Variants in FGF1 observed in about 807,000 individuals in gnomAD.
FGF1 encodes the protein fibroblast growth factor 1, also known as beta-endothelial cell growth factor.
A neutral mutation model predicts 13.4 loss-of-function variants in FGF1; 9 were observed. That is an observed-to-expected ratio of 0.67 (90% CI 0.40 to 1.17). The LOEUF is 1.17. Ranked by LOEUF, FGF1 falls within the 50% of genes most tolerant of loss-of-function variation. FGF1 has a pLI of 0.01. For missense variants in FGF1, 156 were observed against 192.7 expected (o/e 0.81, Z 1.13); for synonymous variants, 93 against 79.0 (o/e 1.18, Z -0.94).
intron 2 of FGF1, among the ~76,000 whole-genome samples, chr5:142,603,907 A>T (rs769963087): frequency 1.3e-5 from 2 of 152,228 alleles, no homozygotes; most frequent in Non-Finnish European, 2.9e-5. Context: ...AGATACATGG[A>T]ATGCCAATAG....
intron 1 of FGF1, among the ~76,000 whole-genome samples, chr5:142,630,433 TG>T (rs1373309811): frequency 2.0e-5 from 3 of 152,226 alleles, no homozygotes; most frequent in Non-Finnish European, 4.4e-5. Flanking sequence ...CTTTTGCTCT[TG>T]GCCCCCTCCC....
chr5:142,596,502 G>T (rs1755292079), intron 3 of FGF1, among the ~76,000 whole-genome samples: 2 of 150,054 alleles, frequency 1.3e-5, no homozygotes, highest in African/African-American at 4.9e-5. Flanking sequence ...CAACACTTTG[G>T]GAGGCTGAGG....
chr5:142,618,096 GAGA>G (rs943178853), intron 1 of FGF1, among the ~76,000 whole-genome samples: 4 of 152,186 alleles, frequency 2.6e-5, no homozygotes, highest in African/African-American at 9.6e-5. Flanking sequence ...CTGGGAAATG[GAGA>G]AGATCAAGCC....
At chr5:142,610,647 C>G (rs1290502911) in intron 2 of FGF1, among the ~76,000 whole-genome samples, 1 of 152,146 alleles carries the variant, frequency 6.6e-6, no homozygotes, top group African/African-American at 2.4e-5. Context: ...GCTGATTCTG[C>G]CTGGCCTTCC....
intron 1 of FGF1, among the ~76,000 whole-genome samples, chr5:142,658,417 T>C (rs1425607554): frequency 6.6e-6 from 1 of 152,276 alleles, no homozygotes; most frequent in Non-Finnish European, 1.5e-5. Context: ...TATTTCTCAC[T>C]GCCTAAAGGC....
intron 1 of FGF1, among the ~76,000 whole-genome samples, chr5:142,621,097 C>A (rs1034221668): frequency 6.6e-6 from 1 of 152,152 alleles, no homozygotes; most frequent in Admixed American, 6.5e-5. Flanking sequence ...ACTGTCAATT[C>A]TGCTGCTAGT....
At chr5:142,678,469 C>T (rs1045920118) in intron 1 of FGF1, among the ~76,000 whole-genome samples, 3 of 152,150 alleles carry the variant, frequency 2.0e-5, no homozygotes, top group African/African-American at 7.2e-5. Context: ...CTCTCCCTCA[C>T]CCGCAGCACC....
At chr5:142,638,393 ATT>A (rs1298825686) in intron 1 of FGF1, among the ~76,000 whole-genome samples, 12 of 152,110 alleles carry the variant, frequency 7.9e-5, no homozygotes, top group African/African-American at 2.9e-4. Context: ...CGCACTAGTT[ATT>A]TGAGTGTTTC....
chr5:142,619,135 C>G (rs548506030), intron 1 of FGF1, among the ~76,000 whole-genome samples: 3 of 151,920 alleles, frequency 2.0e-5, no homozygotes, highest in Admixed American at 1.3e-4. Flanking sequence ...GGGGTTTCAC[C>G]GTGTTAGCCA....
intron 2 of FGF1, among the ~76,000 whole-genome samples, chr5:142,604,772 T>C (rs182289919): frequency 6.6e-6 from 1 of 152,348 alleles, no homozygotes; most frequent in East Asian, 1.9e-4. Flanking sequence ...GGAAAAATCA[T>C]GACCAGACCC....
At chr5:142,647,047 C>T (rs538846255) in intron 1 of FGF1, among the ~76,000 whole-genome samples, 2 of 152,244 alleles carry the variant, frequency 1.3e-5, no homozygotes, top group South Asian at 4.1e-4. Context: ...ATAATGTACA[C>T]GCACCCACAG....
At chr5:142,619,318 A>T (rs1761002372) in intron 1 of FGF1, among the ~76,000 whole-genome samples, 1 of 152,188 alleles carries the variant, frequency 6.6e-6, no homozygotes, top group African/African-American at 2.4e-5. Flanking sequence ...ATATAAAGCC[A>T]CTGAAGGTAG....
intron 1 of FGF1, among the ~76,000 whole-genome samples, chr5:142,658,204 A>G (rs1022722126): frequency 6.6e-6 from 1 of 152,242 alleles, no homozygotes; most frequent in African/African-American, 2.4e-5. Flanking sequence ...AGGCATCTCC[A>G]AATGATTCTA....
In FGF1 at chr5:142,601,000, G is replaced by A. The variant is rs114326281; in HGVS notation, c.170-195C>T. ...CCTTCCAAAGAAAGCTGTCCATTGGGAATTACGTCCTTGGGAAAGGAAGGA... is the reference window on the plus strand; with the variant it reads ...CCTTCCAAAGAAAGCTGTCCATTGGAAATTACGTCCTTGGGAAAGGAAGGA... On this transcript the variant is annotated intron_variant, in intron 2 of 3. Transcript: ENST00000337706. 6.4e-3 allele frequency: 4,025 copies of A among 625,682 alleles called. 29 individuals carry two copies. The highest frequency in any genetic ancestry group is 8.4e-3 in the Non-Finnish European group (2,846 of 337,190). 38.8% of individuals were successfully genotyped at this position (625,682 alleles called of 1,614,324 possible).
At chr5:142,666,799 T>C (rs534609197) in intron 1 of FGF1, among the ~76,000 whole-genome samples, 1 of 150,910 alleles carries the variant, frequency 6.6e-6, no homozygotes, top group South Asian at 2.1e-4. Context: ...TAGGCAGGTG[T>C]GTTGGTGAGT....
In FGF1 at chr5:142,595,575, A is replaced by G. The variant is rs546759066; in HGVS notation, c.274-91T>C. 460 of 1,037,952 alleles carry G rather than the reference A, an allele frequency of 4.4e-4. 7 individuals are homozygous for G. The South Asian group carries it at 5.4e-3, about 12-fold the overall frequency. 64.3% of individuals were successfully genotyped at this position (1,037,952 alleles called of 1,614,324 possible). On this transcript the variant is annotated intron_variant, in intron 3 of 3. Transcript: ENST00000337706. Reference sequence around the variant, plus strand: ...TACTAGCTGTGTGACATTGGGCAAAATACTAAAGCTCTCCATGCCTCAGTC... The same window carrying G: ...TACTAGCTGTGTGACATTGGGCAAAGTACTAAAGCTCTCCATGCCTCAGTC...
intron 1 of FGF1, among the ~76,000 whole-genome samples, chr5:142,634,122 G>A (rs1418030231): frequency 6.6e-6 from 1 of 151,402 alleles, no homozygotes; most frequent in African/African-American, 2.4e-5. Flanking sequence ...GAATCCGGGA[G>A]GCGGAGCTTG....
chr5:142,652,798 C>A (rs893227529), intron 1 of FGF1, among the ~76,000 whole-genome samples: 1 of 152,244 alleles, frequency 6.6e-6, no homozygotes, highest in African/African-American at 2.4e-5. Context: ...ATAGTGCACA[C>A]GTGTGTCCAC....
chr5:142,670,103 C>T (rs1057425231), intron 1 of FGF1, among the ~76,000 whole-genome samples: 1 of 152,222 alleles, frequency 6.6e-6, no homozygotes, highest in Middle Eastern at 3.2e-3. Flanking sequence ...CACACTGGCA[C>T]TGAGGTCATG....
Sources: allele counts gnomAD v4.1 joint callset (sites outside exome capture counted in the v4.1 genomes callset), GRCh38; gene constraint gnomAD v4.1.1; transcripts MANE v1.5; gene names NCBI Gene and HGNC (gene_info 2026-07-23, HGNC 2026-07-21).